Variants in NAT1 observed in about 807,000 individuals in gnomAD.
NAT1 encodes N-acetyltransferase 1.
For missense variants in NAT1, 400 were observed against 339.2 expected (o/e 1.18, Z -1.41); for synonymous variants, 144 against 122.6 (o/e 1.17, Z -1.16).
rs1804460652 is a variant in NAT1 at position 18,214,737 on chromosome 8, A to C, written c.-86+4557A>C. Reference sequence around the variant, plus strand: ...AGGGGTACATGTACAGGTTCGTTATATAGGTAAACTTGTGTCATGGGGGTT... The same window carrying C: ...AGGGGTACATGTACAGGTTCGTTATCTAGGTAAACTTGTGTCATGGGGGTT... On this transcript the variant is annotated intron_variant, in intron 1 of 2. Transcript: ENST00000307719. 2.6e-5 allele frequency among the ~76,000 whole-genome samples: 4 copies of C among 152,274 alleles called. No individual in the cohort carries two copies. The South Asian group carries it at 8.3e-4, about 32-fold the overall frequency.
At chr8:18,174,334 G>C (rs141534768) in intron 2 of NAT1, among the ~76,000 whole-genome samples, 1 of 152,218 alleles carries the variant, frequency 6.6e-6, no homozygotes, top group East Asian at 1.9e-4. Flanking sequence ...CCTTGCTAAT[G>C]AAGATTAAAC....
intron 2 of NAT1, among the ~76,000 whole-genome samples, chr8:18,177,239 T>C (rs1201371320): frequency 6.6e-6 from 1 of 152,060 alleles, no homozygotes; most frequent in Non-Finnish European, 1.5e-5. Context: ...TTGTTCCCTC[T>C]TTTACCTATC....
At chr8:18,194,775 C>T (rs996671411) in intron 2 of NAT1, among the ~76,000 whole-genome samples, 8 of 150,030 alleles carry the variant, frequency 5.3e-5, no homozygotes, top group Admixed American at 6.7e-5. Flanking sequence ...AGTTGAGAGA[C>T]GCCACTGCAC....
chr8:18,221,743 C>G, intron 2 of NAT1: 1 of 265,522 alleles, frequency 3.8e-6, no homozygotes, highest in Non-Finnish European at 7.1e-6. Context: ...GTTGGAATCT[C>G]TCTTTTATTA....
chr8:18,176,405 A>G (rs897781165), intron 2 of NAT1, among the ~76,000 whole-genome samples: 4 of 152,128 alleles, frequency 2.6e-5, no homozygotes, highest in Non-Finnish European at 4.4e-5. Context: ...ACTTCTGCAT[A>G]TGAGTGTGAG....
chr8:18,218,854 T>C (rs1450506852), intron 1 of NAT1, among the ~76,000 whole-genome samples: 1 of 152,142 alleles, frequency 6.6e-6, no homozygotes, highest in African/African-American at 2.4e-5. Context: ...CAGTTTTCTT[T>C]AGTGGAGGTG....
At chr8:18,200,522 C>G (rs559317969) in intron 2 of NAT1, among the ~76,000 whole-genome samples, 40 of 152,062 alleles carry the variant, frequency 2.6e-4, no homozygotes, top group African/African-American at 9.2e-4. Context: ...CAACAGACAC[C>G]GGGATCTACT....
intron 2 of NAT1, among the ~76,000 whole-genome samples, chr8:18,192,292 A>C (rs1321705232): frequency 6.6e-6 from 1 of 152,236 alleles, no homozygotes; most frequent in African/African-American, 2.4e-5. Context: ...ACAATGAGAT[A>C]CCATCTCACA....
At chr8:18,173,757 C>A (rs1174920852) in intron 2 of NAT1, among the ~76,000 whole-genome samples, 1 of 152,078 alleles carries the variant, frequency 6.6e-6, no homozygotes, top group Non-Finnish European at 1.5e-5. Context: ...CTTCCTAATC[C>A]AATGCCTGGT....
intron 2 of NAT1, among the ~76,000 whole-genome samples, chr8:18,187,266 T>C (rs1802776913): frequency 6.6e-6 from 1 of 152,192 alleles, no homozygotes; most frequent in Non-Finnish European, 1.5e-5. Context: ...GTAAATCAGT[T>C]CAGCCACTGT....
chr8:18,205,289 G>T (rs564699520), upstream of NAT1, among the ~76,000 whole-genome samples: 1 of 152,178 alleles, frequency 6.6e-6, no homozygotes, highest in Non-Finnish European at 1.5e-5. Flanking sequence ...GTGGGGGTGG[G>T]AGCTTGGTGG....
At chr8:18,183,555 A>C (rs1029588754) in intron 2 of NAT1, among the ~76,000 whole-genome samples, 1 of 152,202 alleles carries the variant, frequency 6.6e-6, no homozygotes, top group African/African-American at 2.4e-5. Context: ...ATTAGAGATA[A>C]ATAGCCCTGA....
chr8:18,176,627 A>T (rs1802305267), intron 2 of NAT1, among the ~76,000 whole-genome samples: 1 of 151,304 alleles, frequency 6.6e-6, no homozygotes, highest in African/African-American at 2.4e-5. Flanking sequence ...ATACATTCAT[A>T]ATATTTTTGA....
chr8:18,220,396 G>A (rs192784263), intron 2 of NAT1, among the ~76,000 whole-genome samples: 24 of 152,260 alleles, frequency 1.6e-4, no homozygotes, highest in African/African-American at 5.5e-4. Flanking sequence ...TCATCTCGGG[G>A]CAGGTCCCTT....
rs946664455 is a variant in NAT1, at chr8:18,216,971, C to G, written c.-85-2440C>G. The G allele has an allele frequency of 8.4e-6, 13 of 1,550,816 alleles. 1 individual carries two copies. Among genetic ancestry groups the G allele is most frequent in the Non-Finnish European group, 1.1e-5 (13 of 1,146,628 alleles). ...CTGTTGGCTATAATAGCCTACCGGT[C>G]TCTGATGATCACCATGTTTCTGGGT... On this transcript the variant is annotated intron_variant, in intron 1 of 2. Coordinates refer to ENST00000307719, the MANE Select transcript of NAT1 (RefSeq NM_000662.8).
chr8:18,222,211 TTTTTGATCAAG>T lies in NAT1; in HGVS notation c.167_177del (p.Phe56CysfsTer26), dbSNP rs1436283225. 1 of 1,614,148 alleles carries T rather than the reference TTTTTGATCAAG, an allele frequency of 6.2e-7. No individual in the cohort carries two copies. The highest frequency in any genetic ancestry group is 1.3e-5 in the African/African-American group (1 of 75,044). Reference sequence around the variant, plus strand: ...GCCATGGACTTAGGCTTAGAGGCCATTTTTGATCAAGTTGTGAGAAGAAATCGGGGTGGATG... The same window carrying T: ...GCCATGGACTTAGGCTTAGAGGCCATTTGTGAGAAGAAATCGGGGTGGATG... On this transcript the variant is annotated frameshift_variant, in exon 3 of 3. Coordinates refer to ENST00000307719, the MANE Select transcript of NAT1 (RefSeq NM_000662.8). LOFTEE classifies it low-confidence loss of function (END_TRUNC).
intron 2 of NAT1, among the ~76,000 whole-genome samples, chr8:18,191,295 G>A (rs1023637666): frequency 1.3e-5 from 2 of 152,100 alleles, no homozygotes; most frequent in Non-Finnish European, 2.9e-5. Context: ...AGGTTTTATA[G>A]ACTGCCTTTG....
intron 2 of NAT1, among the ~76,000 whole-genome samples, chr8:18,204,163 T>TTCTC (rs111268683): frequency 8.2e-4 from 122 of 148,718 alleles, no homozygotes; most frequent in East Asian, 7.8e-3. Context: ...TTGGATGTCT[T>TTCTC]TCTCTCTCTC....
intron 1 of NAT1, among the ~76,000 whole-genome samples, chr8:18,210,813 T>C (rs148151499): frequency 7.1e-4 from 108 of 152,258 alleles, no homozygotes; most frequent in African/African-American, 2.5e-3. Flanking sequence ...CTTGCCCCAT[T>C]GCCCAGGCTG....
Sources: allele counts gnomAD v4.1 joint callset (sites outside exome capture counted in the v4.1 genomes callset), GRCh38; gene constraint gnomAD v4.1.1; transcripts MANE v1.5; gene names NCBI Gene and HGNC (gene_info 2026-07-23, HGNC 2026-07-21).